Variants in CNTN4 observed in about 807,000 individuals in gnomAD.
The protein encoded by CNTN4 is contactin 4, also known as contactin-4.
Under a neutral mutation model 122.5 loss-of-function variants are expected in CNTN4, and 77 were observed. The ratio of observed to expected loss-of-function variants is 0.63; its 90% CI spans 0.52 to 0.76. CNTN4 has a LOEUF of 0.76. Among genes scored for constraint, CNTN4 ranks in the 30% least tolerant of loss-of-function variants. CNTN4 has a pLI of 0.00. For synonymous variants in CNTN4, 512 were observed against 447.0 expected (o/e 1.15, Z -1.83); for missense variants, 1,256 against 1,259.1 (o/e 1.00, Z 0.04).
Position 3,043,207 on chromosome 3 carries a change from C to T in CNTN4, c.2698+44C>T, listed in dbSNP as rs200847582. The T allele has an allele frequency of 4.5e-4, 709 of 1,566,830 alleles. 3 individuals are homozygous for T. The African/African-American group carries it at 7.6e-3, about 17-fold the overall frequency. The stretch of plus-strand genomic sequence containing the variant: ...AGAAATATTTTGGGGATTCATCACA[C>T]ATATCCCAAGTTTATTCCTTATCCC... On this transcript the variant is annotated intron_variant, in intron 22 of 24. Transcript: ENST00000418658.
chr3:2,820,979 T>TTTTTTTTTA (rs2092855202), intron 7 of CNTN4, among the ~76,000 whole-genome samples: 1 of 149,106 alleles, frequency 6.7e-6, no homozygotes, highest in African/African-American at 2.5e-5. Flanking sequence ...TTTTTTTTTT[T>TTTTTTTTTA]GAGACAGAGT....
chr3:2,896,498 A>G (rs1338684164), intron 10 of CNTN4, among the ~76,000 whole-genome samples: 2 of 152,144 alleles, frequency 1.3e-5, no homozygotes, highest in African/African-American at 4.8e-5. Context: ...CCTGAAATCC[A>G]ACATGCATAT....
chr3:2,156,401 C>G (rs2035721073), intron 2 of CNTN4, among the ~76,000 whole-genome samples: 1 of 152,146 alleles, frequency 6.6e-6, no homozygotes, highest in African/African-American at 2.4e-5. Context: ...CAGCAATGGT[C>G]CCGCGCCTTC....
rs569639464 is a variant in CNTN4, at chr3:2,170,213, G to C, written c.-145+69574G>C. On this transcript the variant is annotated intron_variant, in intron 2 of 24. Transcript: ENST00000418658. ...GCGGCGCCTGTAGTCCCAGCTACTCGGGAGGCTGAGGCGGGAGAATGGCGG... is the reference window on the plus strand; with the variant it reads ...GCGGCGCCTGTAGTCCCAGCTACTCCGGAGGCTGAGGCGGGAGAATGGCGG... Among the ~76,000 whole-genome samples, 321 of 151,802 alleles carry C rather than the reference G, an allele frequency of 2.1e-3. 6 individuals are homozygous for C. Among genetic ancestry groups the C allele is most frequent in the African/African-American group, 6.7e-3 (278 of 41,356 alleles).
chr3:2,903,959 T>G (rs1239698178), intron 12 of CNTN4, among the ~76,000 whole-genome samples: 1 of 151,948 alleles, frequency 6.6e-6, no homozygotes, highest in Non-Finnish European at 1.5e-5. Flanking sequence ...ATTAAATGGA[T>G]TAATAGATTA....
intron 4 of CNTN4, among the ~76,000 whole-genome samples, chr3:2,710,762 A>G (rs990613910): frequency 6.6e-6 from 1 of 152,210 alleles, no homozygotes; most frequent in Non-Finnish European, 1.5e-5. Context: ...ACAAAGGAAA[A>G]TGCTTTCTGA....
At position 2,432,058 on chromosome 3, in the gene CNTN4, C is replaced by T. The variant is rs554081779; in HGVS notation, c.-89+92825C>T. On this transcript the variant is annotated intron_variant, in intron 3 of 24. Transcript: ENST00000418658. ...AGATGGGTCACTGTAACTCTCACTG[C>T]ACAAACAATGAGCCAGGTAATATTG... Among the ~76,000 whole-genome samples, 4 of 152,330 alleles carry T rather than the reference C, an allele frequency of 2.6e-5. No homozygotes were observed. In the East Asian group the frequency reaches 7.7e-4, roughly 29 times the overall value.
chr3:2,124,834 T>G (rs2034037351), intron 2 of CNTN4, among the ~76,000 whole-genome samples: 1 of 152,202 alleles, frequency 6.6e-6, no homozygotes, highest in Non-Finnish European at 1.5e-5. Context: ...TACACAGATT[T>G]AATGTATACA....
rs1302897744 is a variant in CNTN4 at position 2,263,034 on chromosome 3, A to G, written c.-144-76144A>G. 7.9e-5 allele frequency among the ~76,000 whole-genome samples: 12 copies of G among 152,224 alleles called. No homozygotes were observed. In the Middle Eastern group the frequency reaches 0.01, roughly 129 times the overall value. On this transcript the variant is annotated intron_variant, in intron 2 of 24. Coordinates refer to ENST00000418658, the MANE Select transcript of CNTN4 (RefSeq NM_175607.3). Reference sequence around the variant, plus strand: ...TGGTACAACTGTGCTGGTTAATTCTATGGATCGGTGCTTAGTCAGAGGGCC... The same window carrying G: ...TGGTACAACTGTGCTGGTTAATTCTGTGGATCGGTGCTTAGTCAGAGGGCC...
intron 23 of CNTN4, among the ~76,000 whole-genome samples, chr3:3,048,394 A>G (rs1700895743): frequency 6.6e-6 from 1 of 152,184 alleles, no homozygotes; most frequent in Admixed American, 6.5e-5. Context: ...CACAAATTCT[A>G]TACCATTGTA....
intron 3 of CNTN4, among the ~76,000 whole-genome samples, chr3:2,403,763 A>T (rs530949592): frequency 7.2e-5 from 11 of 152,204 alleles, no homozygotes; most frequent in Non-Finnish European, 1.6e-4. Flanking sequence ...CTTATCAAAG[A>T]TGTCAAACTT....
At chr3:2,762,388 C>T (rs943774145) in intron 6 of CNTN4, among the ~76,000 whole-genome samples, 2 of 152,138 alleles carry the variant, frequency 1.3e-5, no homozygotes, top group African/African-American at 4.8e-5. Flanking sequence ...CGATAGGTCC[C>T]AGTATCTGTT....
intron 2 of CNTN4, among the ~76,000 whole-genome samples, chr3:2,275,487 C>G (rs1295707428): frequency 6.6e-6 from 1 of 152,102 alleles, no homozygotes; most frequent in African/African-American, 2.4e-5. Flanking sequence ...AATCACTACT[C>G]CTTCTGAACT....
intron 3 of CNTN4, among the ~76,000 whole-genome samples, chr3:2,379,024 T>C (rs1470632181): frequency 6.6e-6 from 1 of 152,212 alleles, no homozygotes; most frequent in African/African-American, 2.4e-5. Flanking sequence ...GTAGGTTAAA[T>C]GAAGTCAAAT....
chr3:2,825,818 C>A (rs10865821), intron 7 of CNTN4, among the ~76,000 whole-genome samples: 94,418 of 151,996 alleles, frequency 0.62, 30,152 homozygotes, highest in African/African-American at 0.77. Context: ...TCTGATTCTG[C>A]GATTATTTTC....
At chr3:3,020,607 A>G (rs1455201381) in intron 14 of CNTN4, among the ~76,000 whole-genome samples, 1 of 152,132 alleles carries the variant, frequency 6.6e-6, no homozygotes, top group Non-Finnish European at 1.5e-5. Flanking sequence ...ACCTCCAGAA[A>G]TGGAGATTCA....
At chr3:2,560,141 TTTTC>T (rs1342397072) in intron 3 of CNTN4, among the ~76,000 whole-genome samples, 1 of 137,852 alleles carries the variant, frequency 7.3e-6, no homozygotes, top group Admixed American at 7.1e-5. Flanking sequence ...TTCTTTTTCT[TTTTC>T]TTTTTTTTTT....
At chr3:2,846,832 A>T (rs1345288686) in intron 7 of CNTN4, among the ~76,000 whole-genome samples, 1 of 152,114 alleles carries the variant, frequency 6.6e-6, no homozygotes, top group Non-Finnish European at 1.5e-5. Flanking sequence ...CCCCATCTCT[A>T]CTAAAAATAC....
In CNTN4 at chr3:3,056,237, G is replaced by A; in HGVS notation, c.*17G>A. 6.3e-7 allele frequency: 1 copy of A among 1,578,508 alleles called. No homozygotes were observed. The highest frequency in any genetic ancestry group is 8.7e-7 in the Non-Finnish European group (1 of 1,147,510). The stretch of plus-strand genomic sequence containing the variant: ...AGTTTATGACAAAAGTTATCTGAAG[G>A]ACTTGCTGTTTATAATATAAGCAAC... On this transcript the variant is annotated 3_prime_UTR_variant, in exon 25 of 25. Coordinates refer to ENST00000418658, the MANE Select transcript of CNTN4 (RefSeq NM_175607.3).
Sources: gnomAD v4.1 joint callset for allele counts (sites outside exome capture counted in the v4.1 genomes callset) on GRCh38, gnomAD v4.1.1 for gene constraint, MANE v1.5 for transcripts, NCBI Gene and HGNC (gene_info 2026-07-23, HGNC 2026-07-21) for gene names.